Variants in NADK observed in about 807,000 individuals in gnomAD.
NADK encodes NAD kinase.
A neutral mutation model predicts 49.8 loss-of-function variants in NADK; 22 were observed. The observed-to-expected ratio is 0.44, with a 90% CI of 0.32 to 0.63. NADK has a LOEUF of 0.63. Among genes scored for constraint, NADK ranks in the 30% least tolerant of loss-of-function variants. The pLI, the probability that NADK is intolerant of heterozygous loss-of-function variation, is 0.06. For missense variants in NADK, 438 were observed against 609.4 expected, an observed-to-expected ratio of 0.72 and a Z score of 2.96; for synonymous variants, 268 against 253.7, an observed-to-expected ratio of 1.06 and a Z score of -0.54.
chr1:1,767,908 C>A (rs1645932828), intron 1 of NADK, among the ~76,000 whole-genome samples: 1 of 152,108 alleles, frequency 6.6e-6, no homozygotes, highest in African/African-American at 2.4e-5. Context: ...CGCGGTGGCA[C>A]ACATCTGTAA....
At position 1,755,444 on chromosome 1, in the gene NADK, C is replaced by T. The variant is rs200890816; in HGVS notation, c.618G>A (p.Leu206=). 2.2e-5 allele frequency: 35 copies of T among 1,613,998 alleles called. No individual in the cohort carries two copies. The highest frequency in any genetic ancestry group is 5.0e-5 in the Admixed American group (3 of 60,012). ...ATGGGGTCAGGAAGCCCAGGGAGCC[C>T]AGGTGGAAGGCCATGACCGGAGGGA... is the stretch of plus-strand genomic sequence containing the variant. The part of the protein sequence containing the change: ...GSVPPVMAFH[L]GSLGFLTPFS... The change falls in exon 7 of 12, where the codon CTG becomes CTA. Residue 206 remains leucine (L), a synonymous_variant. Coordinates refer to ENST00000341426, the MANE Select transcript of NADK (RefSeq NM_023018.5).
At chr1:1,763,385 G>A (rs1645788220) in intron 2 of NADK, among the ~76,000 whole-genome samples, 1 of 152,172 alleles carries the variant, frequency 6.6e-6, no homozygotes, top group South Asian at 2.1e-4. Context: ...TTGGGAGGCT[G>A]AGGTGGGCGG....
At chr1:1,762,126 C>T in intron 2 of NADK, 91 bp from the exon 3 acceptor site, 1 of 1,092,914 alleles carries the variant, frequency 9.1e-7, no homozygotes, top group East Asian at 2.5e-5. Context: ...CACGGTAAGG[C>T]ATACATGCAA....
At chr1:1,764,068 C>A (rs890704397) in intron 2 of NADK, among the ~76,000 whole-genome samples, 6 of 152,172 alleles carry the variant, frequency 3.9e-5, no homozygotes, top group Non-Finnish European at 7.3e-5. Context: ...GCCACCAGCG[C>A]TCGTAGCCTC....
rs989583158 is a variant in NADK at position 1,756,333 on chromosome 1, G to A, written c.510C>T (p.Asp170=). The A allele has an allele frequency of 4.3e-6, 7 of 1,613,944 alleles. No individual in the cohort carries two copies. In the African/African-American group the frequency reaches 6.7e-5, roughly 15 times the overall value. ...TGATGAAGTCTATCTGATTGGAAAT[G>A]TCATCATAATCTAGGAAACACAAAG... is the stretch of plus-strand genomic sequence containing the variant. The part of the protein sequence containing the change: ...KFCTFREDYD[D]ISNQIDFIIC... Residue 170 remains aspartate (D), a synonymous_variant, in exon 6 of 12, where the codon GAC becomes GAT. Transcript: ENST00000341426.
chr1:1,760,092 G>A (rs549106455), intron 3 of NADK, among the ~76,000 whole-genome samples: 4 of 152,338 alleles, frequency 2.6e-5, no homozygotes, highest in African/African-American at 9.6e-5. Flanking sequence ...CGAGTGGTCA[G>A]GAGTCCACAC....
At chr1:1,777,401 A>C (rs1377154287) in intron 1 of NADK, among the ~76,000 whole-genome samples, 1 of 152,204 alleles carries the variant, frequency 6.6e-6, no homozygotes, top group Non-Finnish European at 1.5e-5. Flanking sequence ...AGGAAAAAAA[A>C]ACTTATTAAG....
intron 6 of NADK, 131 bp from the exon 7 acceptor site, chr1:1,755,607 C>T: frequency 1.4e-6 from 1 of 716,640 alleles, no homozygotes; most frequent in South Asian, 1.6e-5. Flanking sequence ...GAGGGACTGG[C>T]CATGTGGACA....
At chr1:1,755,565 C>A in intron 6 of NADK, 89 bp from the exon 7 acceptor site, 1 of 946,584 alleles carries the variant, frequency 1.1e-6, no homozygotes, top group South Asian at 1.3e-5. Context: ...AGGGACCCAG[C>A]TCTGTGGGGA....
intron 2 of NADK, among the ~76,000 whole-genome samples, chr1:1,762,736 G>A (rs983581763): frequency 1.3e-5 from 2 of 151,496 alleles, no homozygotes; most frequent in Non-Finnish European, 2.9e-5. Context: ...CAGCCTGGCT[G>A]AAAAAAGTGA....
At chr1:1,780,471 G>T (rs1377613578), upstream of NADK, 1 of 152,214 alleles carries the variant, frequency 6.6e-6, no homozygotes, top group Admixed American at 6.5e-5. Flanking sequence ...TGTCTACCCT[G>T]GGCCTGGGCA....
chr1:1,770,250 T>C (rs750565884), intron 1 of NADK, among the ~76,000 whole-genome samples: 4 of 151,958 alleles, frequency 2.6e-5, no homozygotes, highest in Non-Finnish European at 2.9e-5. Context: ...AAAACATGTC[T>C]GGTATAACTA....
chr1:1,758,895 C>A (rs951776948), intron 3 of NADK, among the ~76,000 whole-genome samples: 1 of 152,174 alleles, frequency 6.6e-6, no homozygotes, highest in Non-Finnish European at 1.5e-5. Context: ...CTCTGGCCCG[C>A]GGAACCGGCT....
Position 1,773,722 on chromosome 1 carries a change from G to GAC in NADK, c.-41+4566_-41+4567insGT, listed in dbSNP as rs1234475021. Among the ~76,000 whole-genome samples the GAC allele has an allele frequency of 2.1e-5, 3 of 142,820 alleles. 1 individual carries two copies. Among genetic ancestry groups the GAC allele is most frequent in the Non-Finnish European group, 4.8e-5 (3 of 63,124 alleles). The allele number at this position is 142,820 out of a possible 152,430, so 93.7% of individuals were successfully genotyped here. ...TGTGTGTGTGTGTGTGTGTGTGTGT[G>GAC]TGTGTGTGAGAGAGAGAGAGAAATA... On this transcript the variant is annotated intron_variant, in intron 1 of 11. Transcript: ENST00000341426.
rs201064838 is a variant in NADK at position 1,754,415 on chromosome 1, C to T, written c.844-32G>A. 98 of 1,610,686 alleles carry T rather than the reference C, an allele frequency of 6.1e-5. 2 individuals are homozygous for T. In the South Asian group the frequency reaches 8.6e-4, roughly 14 times the overall value. ...GGGCGACAGCATTGCACACTCAGGG[C>T]GGGGGATGCCGCACGGCTCGCAGAC... On this transcript the variant is annotated intron_variant, in intron 8 of 11. Coordinates refer to ENST00000341426, the MANE Select transcript of NADK (RefSeq NM_023018.5). This position sits in a 1 kb window ranked among gnomAD's most constrained non-coding sequence, Gnocchi z 4.3.
chr1:1,765,384 AT>A lies in NADK; in HGVS notation c.22del (p.Met8Ter). 6.2e-7 allele frequency: 1 copy of A among 1,603,074 alleles called. No homozygotes were observed. MEMEQEK[M>X]TMNKELSPDA... is the part of the protein sequence containing the mutation. ...TGGACTCAATTCCTTATTCATGGTC[AT>A]TTTTTCTTGTTCCATTTCCATTGTC... On this transcript the variant is annotated frameshift_variant, in exon 2 of 12. Transcript: ENST00000341426. LOFTEE classifies it high-confidence loss of function.
At position 1,754,526 on chromosome 1, in the gene NADK, C is replaced by G. The variant is rs374072837; in HGVS notation, c.843+18G>C. On this transcript the variant is annotated intron_variant, in intron 8 of 11. Coordinates refer to ENST00000341426, the MANE Select transcript of NADK (RefSeq NM_023018.5). The surrounding 1 kb of genome is among the most constrained non-coding windows in gnomAD (Gnocchi z 4.3). ...CCCACCCTGGGCCCCTCACCGAGGC[C>G]GAGGCGCCTCCACTCACCTGGTACT... The G allele has an allele frequency of 6.9e-6, 11 of 1,601,732 alleles. No homozygotes were observed. Among genetic ancestry groups the G allele is most frequent in the Admixed American group, 1.7e-5 (1 of 59,140 alleles).
chr1:1,757,409 G>A, intron 3 of NADK, 99 bp from the exon 4 acceptor site: 1 of 1,115,140 alleles, frequency 9.0e-7, no homozygotes, highest in Non-Finnish European at 1.3e-6. Flanking sequence ...TTAAAAAGGT[G>A]TTTTCACCTC....
chr1:1,756,308 T>G lies in NADK; in HGVS notation c.535A>C (p.Ile179Leu), dbSNP rs1645519903. 6.2e-7 allele frequency: 1 copy of G among 1,614,022 alleles called. No individual in the cohort carries two copies. Among genetic ancestry groups the G allele is most frequent in the Non-Finnish European group, 8.5e-7 (1 of 1,180,028 alleles). Residue 179 changes from isoleucine to leucine, a missense_variant, in exon 6 of 12, where the codon ATC becomes CTC. Physicochemically the swap from Ile to Leu is conservative, Grantham distance 5. Transcript: ENST00000341426. Reference sequence around the variant, plus strand: ...AGCGTCCCGTCTCCCCCCAGGCAGATGATGAAGTCTATCTGATTGGAAATG... The same window carrying G: ...AGCGTCCCGTCTCCCCCCAGGCAGAGGATGAAGTCTATCTGATTGGAAATG... ...DDISNQIDFI[I>L]CLGGDGTLLY...
Sources: allele counts gnomAD v4.1 joint callset (sites outside exome capture counted in the v4.1 genomes callset), GRCh38; gene constraint gnomAD v4.1.1; non-coding constraint Gnocchi (gnomAD v3.1); transcripts MANE v1.5; gene names NCBI Gene and HGNC (gene_info 2026-07-23, HGNC 2026-07-21).